Variants in PUS7 observed in about 807,000 individuals in gnomAD.
PUS7 encodes the protein pseudouridine synthase 7.
A neutral mutation model predicts 79.8 loss-of-function variants in PUS7; 48 were observed. That is an observed-to-expected ratio of 0.60 (90% CI 0.48 to 0.76). The LOEUF (loss-of-function observed/expected upper bound fraction) is 0.76, where lower values mean the gene tolerates loss of function less well. Ranked by LOEUF, PUS7 falls within the 30% of genes least tolerant of loss-of-function variation. PUS7 has a pLI of 0.00. For missense variants in PUS7, 729 were observed against 797.6 expected, an observed-to-expected ratio of 0.91 and a Z score of 1.04; for synonymous variants, 286 against 272.2, an observed-to-expected ratio of 1.05 and a Z score of -0.50.
chr7:105,512,200 C>T (rs1019453822), intron 1 of PUS7, among the ~76,000 whole-genome samples: 2 of 119,192 alleles, frequency 1.7e-5, no homozygotes, highest in Non-Finnish European at 3.7e-5. Flanking sequence ...AAATTAAATA[C>T]AGAAAATGGA....
intron 1 of PUS7, among the ~76,000 whole-genome samples, chr7:105,511,828 G>A (rs1225449334): frequency 6.6e-6 from 1 of 150,900 alleles, no homozygotes; most frequent in Non-Finnish European, 1.5e-5. Context: ...AGGAGAGAAG[G>A]GATTGAAAAA....
At chr7:105,511,946 C>T (rs1004610488) in intron 1 of PUS7, among the ~76,000 whole-genome samples, 4 of 151,980 alleles carry the variant, frequency 2.6e-5, no homozygotes, top group South Asian at 4.2e-4. Context: ...GAGTTCGAGA[C>T]CAGCCTGACC....
chr7:105,490,313 T>C (rs1411653406), intron 7 of PUS7, among the ~76,000 whole-genome samples: 3 of 152,042 alleles, frequency 2.0e-5, no homozygotes, highest in African/African-American at 7.3e-5. Flanking sequence ...CCCAGAAGTT[T>C]CCTTGCCCCT....
At chr7:105,506,504 C>A (rs1302741362) in intron 2 of PUS7, among the ~76,000 whole-genome samples, 3 of 151,512 alleles carry the variant, frequency 2.0e-5, no homozygotes, top group South Asian at 4.2e-4. Flanking sequence ...CTCACTGCAA[C>A]CTCCGCCTCC....
At chr7:105,470,510 C>T (rs957341067) in intron 11 of PUS7, 178 bp downstream of exon 11, 7 of 563,192 alleles carry the variant, frequency 1.2e-5, no homozygotes, top group African/African-American at 1.9e-5. Context: ...CCGCATCCAC[C>T]CCCAACATCA....
At chr7:105,493,819 C>T (rs1429703232) in intron 6 of PUS7, among the ~76,000 whole-genome samples, 1 of 152,310 alleles carries the variant, frequency 6.6e-6, no homozygotes, top group South Asian at 2.1e-4. Context: ...CTTGCCGACA[C>T]CTTGAGCTTG....
intron 5 of PUS7, among the ~76,000 whole-genome samples, chr7:105,495,685 T>C (rs1824983869): frequency 3.9e-5 from 6 of 151,930 alleles, no homozygotes; most frequent in Admixed American, 3.9e-4. Context: ...GTGGAGGTTG[T>C]AGTGAACCGA....
chr7:105,491,572 C>G lies in PUS7; in HGVS notation c.888G>C (p.Arg296Ser). ...CAGCAATTTCTTGAACTGTTATAGC[C>G]CTTTTATCTTTGGTTCCCATGTAGG... is the stretch of plus-strand genomic sequence containing the variant. ...IFSYMGTKDK[R>S]AITVQEIAVL... is the part of the protein sequence containing the mutation. Residue 296 changes from arginine to serine, a missense_variant, in exon 7 of 16, where the codon AGG (arginine) becomes AGC (serine). Coordinates refer to ENST00000469408, the MANE Select transcript of PUS7 (RefSeq NM_019042.5). The G allele has an allele frequency of 6.2e-7, 1 of 1,602,556 alleles. No homozygotes were observed. The highest frequency in any genetic ancestry group is 8.5e-7 in the Non-Finnish European group (1 of 1,169,902).
In PUS7 at chr7:105,505,003, A is replaced by ATTTTTTTTTTTTTTTTTTT. The variant is rs112752687; in HGVS notation, c.585+951_585+952insAAAAAAAAAAAAAAAAAAA. 5.7e-3 allele frequency among the ~76,000 whole-genome samples: 813 copies of ATTTTTTTTTTTTTTTTTTT among 142,420 alleles called. 7 individuals are homozygous for ATTTTTTTTTTTTTTTTTTT. Among genetic ancestry groups the ATTTTTTTTTTTTTTTTTTT allele is most frequent in the Non-Finnish European group, 9.0e-3 (580 of 64,696 alleles). The allele number at this position is 142,420 out of a possible 152,430, so 93.4% of individuals were successfully genotyped here. A position where few individuals can be genotyped will look rare whatever the true frequency, so the allele number is the denominator to read the frequency against. ...TGTAGTACAAAATTAATTTAACATAATTTTTTTTTTTTTTTGATATGGAGT... is the reference window on the plus strand; with the variant it reads ...TGTAGTACAAAATTAATTTAACATAATTTTTTTTTTTTTTTTTTTTTTTTTTTTTTTTTTGATATGGAGT... On this transcript the variant is annotated intron_variant, in intron 4 of 15. Transcript: ENST00000469408.
chr7:105,517,933 A>C (rs1006034895), intron 1 of PUS7, among the ~76,000 whole-genome samples: 2 of 152,168 alleles, frequency 1.3e-5, no homozygotes, highest in African/African-American at 4.8e-5. Context: ...GCAGATCACA[A>C]GGTCAAAAGT....
chr7:105,519,843 A>G (rs1447442697), intron 1 of PUS7, among the ~76,000 whole-genome samples: 2 of 152,168 alleles, frequency 1.3e-5, no homozygotes, highest in African/African-American at 2.4e-5. Context: ...AAAGACAAGG[A>G]AGAACCAGAC....
intron 5 of PUS7, among the ~76,000 whole-genome samples, chr7:105,497,365 CTTTT>C (rs971054462): frequency 6.6e-6 from 1 of 151,972 alleles, no homozygotes. Flanking sequence ...TTGTGATTAT[CTTTT>C]TTTTGATAGT....
At chr7:105,462,842 G>T in intron 13 of PUS7, 92 bp from the exon 14 acceptor site, 1 of 1,195,616 alleles carries the variant, frequency 8.4e-7, no homozygotes, top group Non-Finnish European at 1.2e-6. Flanking sequence ...TGTAAGTTCA[G>T]TTAGACTGCC....
At chr7:105,478,801 T>G (rs1824204157) in intron 9 of PUS7, among the ~76,000 whole-genome samples, 1 of 152,206 alleles carries the variant, frequency 6.6e-6, no homozygotes, top group Non-Finnish European at 1.5e-5. Flanking sequence ...CAGGAAATAT[T>G]CTTATGTTGT....
intron 5 of PUS7, among the ~76,000 whole-genome samples, chr7:105,498,515 G>C (rs1269894371): frequency 1.3e-5 from 2 of 152,188 alleles, no homozygotes; most frequent in Non-Finnish European, 2.9e-5. Flanking sequence ...ATGGAAACCA[G>C]ATAAAAGGGA....
intron 9 of PUS7, among the ~76,000 whole-genome samples, chr7:105,480,596 G>C (rs1237991331): frequency 2.0e-5 from 3 of 152,156 alleles, no homozygotes; most frequent in Non-Finnish European, 4.4e-5. Flanking sequence ...GACCAACATG[G>C]AGAAACCCCA....
chr7:105,475,685 A>G (rs1271653412), intron 9 of PUS7, among the ~76,000 whole-genome samples: 1 of 152,142 alleles, frequency 6.6e-6, no homozygotes. Flanking sequence ...TTATTGTGGT[A>G]AAATACATGT....
chr7:105,494,402 A>ATT (rs756519297), intron 6 of PUS7, among the ~76,000 whole-genome samples: 978 of 87,814 alleles, frequency 0.011, 118 homozygotes, highest in African/African-American at 0.012. Context: ...ATGATCAGTG[A>ATT]TTTTTTTTTT....
chr7:105,463,086 A>G (rs899039670), intron 13 of PUS7, among the ~76,000 whole-genome samples: 1 of 152,230 alleles, frequency 6.6e-6, no homozygotes, highest in Non-Finnish European at 1.5e-5. Flanking sequence ...GTTGGAAGAC[A>G]GCATATACAG....
Sources: allele counts gnomAD v4.1 joint callset (sites outside exome capture counted in the v4.1 genomes callset), GRCh38; gene constraint gnomAD v4.1.1; transcripts MANE v1.5; gene names NCBI Gene and HGNC (gene_info 2026-07-23, HGNC 2026-07-21).